STAG1: variants seen among roughly 807,000 people sequenced by gnomAD.
STAG1 encodes cohesin subunit SA-1.
In STAG1, 26 loss-of-function variants were observed where a neutral mutation model predicts 170.9. The observed-to-expected ratio is 0.15, with a 90% confidence interval of 0.11 to 0.21. The LOEUF (loss-of-function observed/expected upper bound fraction) is 0.21. Ranked by LOEUF, STAG1 falls within the 10% of genes least tolerant of loss-of-function variation. The probability of loss-of-function intolerance (pLI) is 1.00; values close to 1 mark genes in which losing one functional copy is unlikely to be tolerated. For synonymous variants in STAG1, 514 were observed against 497.7 expected, an observed-to-expected ratio of 1.03 and a Z score of -0.44; for missense variants, 964 against 1,509.5, an observed-to-expected ratio of 0.64 and a Z score of 5.99.
At chr3:136,566,115 T>C (rs1313182162) in intron 5 of STAG1, among the ~76,000 whole-genome samples, 1 of 152,204 alleles carries the variant, frequency 6.6e-6, no homozygotes, top group African/African-American at 2.4e-5. Flanking sequence ...TGGTAACTGC[T>C]ACAATGGATT....
chr3:136,650,559 A>AT (rs777992696), intron 1 of STAG1, among the ~76,000 whole-genome samples: 2 of 152,346 alleles, frequency 1.3e-5, no homozygotes, highest in East Asian at 3.9e-4. Flanking sequence ...CTATCTCTAC[A>AT]TATACACACC....
At chr3:136,629,262 C>T (rs141061347) in intron 2 of STAG1, among the ~76,000 whole-genome samples, 70 of 152,186 alleles carry the variant, frequency 4.6e-4, no homozygotes, top group African/African-American at 1.6e-3. Context: ...AAAAATAAGG[C>T]ACACAATGCA....
intron 4 of STAG1, among the ~76,000 whole-genome samples, chr3:136,574,004 G>A (rs1937360677): frequency 6.6e-6 from 1 of 150,440 alleles, no homozygotes. Context: ...AGCACTCTGG[G>A]AGCCGAGGCA....
At chr3:136,613,331 A>G (rs1052458771) in intron 3 of STAG1, among the ~76,000 whole-genome samples, 2 of 150,894 alleles carry the variant, frequency 1.3e-5, no homozygotes. Context: ...AAAAAAAAAA[A>G]AAAAGAAATC....
At chr3:136,377,297 G>C (rs1483305595) in intron 23 of STAG1, among the ~76,000 whole-genome samples, 1 of 136,860 alleles carries the variant, frequency 7.3e-6, no homozygotes, top group Non-Finnish European at 1.5e-5. Flanking sequence ...TGAGGCAGGA[G>C]AATGGCGTGA....
At chr3:136,715,545 G>A (rs563981516) in intron 1 of STAG1, among the ~76,000 whole-genome samples, 130 of 151,196 alleles carry the variant, frequency 8.6e-4, no homozygotes, top group African/African-American at 2.7e-3. Context: ...TCTTGAACCC[G>A]GGAGGCAGAG....
chr3:136,532,540 T>G (rs985304691), intron 6 of STAG1, among the ~76,000 whole-genome samples: 1 of 152,142 alleles, frequency 6.6e-6, no homozygotes, highest in African/African-American at 2.4e-5. Context: ...ATTACTGATT[T>G]AATCTCACTA....
intron 21 of STAG1, among the ~76,000 whole-genome samples, chr3:136,412,865 CT>C (rs35801167): frequency 1.4e-3 from 195 of 141,428 alleles, no homozygotes; most frequent in African/African-American, 1.9e-3. Flanking sequence ...ACAATTTTTT[CT>C]TTTTTTTTTT....
At chr3:136,350,639 A>T (rs1471525791) in intron 28 of STAG1, among the ~76,000 whole-genome samples, 1 of 152,190 alleles carries the variant, frequency 6.6e-6, no homozygotes, top group African/African-American at 2.4e-5. Context: ...GGTCCATGCC[A>T]TCCAAATTCT....
At chr3:136,407,851 A>G (rs2087525822) in intron 21 of STAG1, among the ~76,000 whole-genome samples, 2 of 150,694 alleles carry the variant, frequency 1.3e-5, no homozygotes, top group Admixed American at 6.7e-5. Flanking sequence ...AGCCGAGATC[A>G]CGCCACTGCA....
rs554588043 is a variant in STAG1, at chr3:136,580,679, G to A, written c.298-11818C>T. Among the ~76,000 whole-genome samples the A allele has an allele frequency of 4.0e-5, 6 of 150,338 alleles. No individual in the cohort carries two copies. The East Asian group carries it at 5.9e-4, about 15-fold the overall frequency. ...CTCCCGAGTAGCTGGGACTACAGGCGCCCGCCACCGCGCCCGGCTAATTTT... is the reference window on the plus strand; with the variant it reads ...CTCCCGAGTAGCTGGGACTACAGGCACCCGCCACCGCGCCCGGCTAATTTT... On this transcript the variant is annotated intron_variant, in intron 4 of 33. Coordinates refer to ENST00000383202, the MANE Select transcript of STAG1 (RefSeq NM_005862.3).
At position 136,728,517 on chromosome 3, in the gene STAG1, G is replaced by A. The variant is rs555887065; in HGVS notation, c.-84+23678C>T. ...GTGCCTCAGTTTTTTCATCTGTAAA[G>A]AGACTTAGCCCTACCCACCACATGG... On this transcript the variant is annotated intron_variant, in intron 1 of 33. Coordinates refer to ENST00000383202, the MANE Select transcript of STAG1 (RefSeq NM_005862.3). 7.0e-4 allele frequency among the ~76,000 whole-genome samples: 107 copies of A among 152,270 alleles called. No homozygotes were observed. The Middle Eastern group carries it at 0.017, about 24-fold the overall frequency.
Position 136,336,941 on chromosome 3 carries a change from A to G in STAG1, c.*1313T>C, listed in dbSNP as rs922810211. ...AATTGGTTTGGAAATTCTGAGGCTTACTTTAGAAATCAGAAAGGAAGAGAG... is the reference window on the plus strand; with the variant it reads ...AATTGGTTTGGAAATTCTGAGGCTTGCTTTAGAAATCAGAAAGGAAGAGAG... On this transcript the variant is annotated 3_prime_UTR_variant, in exon 34 of 34. Transcript: ENST00000383202. The G allele has an allele frequency of 1.8e-5, 2 of 109,770 alleles. No homozygotes were observed. Among genetic ancestry groups the G allele is most frequent in the Non-Finnish European group, 3.6e-5 (2 of 54,896 alleles). 6.8% of individuals were successfully genotyped at this position (109,770 alleles called of 1,614,324 possible). A position where few individuals can be genotyped will look rare whatever the true frequency, so the allele number is the denominator to read the frequency against.
intron 20 of STAG1, 106 bp from the exon 21 acceptor site, chr3:136,418,078 G>C: frequency 1.1e-6 from 1 of 877,866 alleles, no homozygotes; most frequent in Non-Finnish European, 1.8e-6. Context: ...TTTCGGCTGG[G>C]CACACTGGCT....
At chr3:136,635,985 C>A (rs113975418) in intron 1 of STAG1, among the ~76,000 whole-genome samples, 3 of 152,176 alleles carry the variant, frequency 2.0e-5, no homozygotes, top group African/African-American at 7.2e-5. Context: ...CCATGGCTCA[C>A]GCCTGTAATC....
At chr3:136,528,498 C>CT (rs916426524) in intron 6 of STAG1, among the ~76,000 whole-genome samples, 4 of 137,254 alleles carry the variant, frequency 2.9e-5, no homozygotes, top group East Asian at 2.0e-4. Context: ...CCCCGCACCC[C>CT]CCCCCCCAAA....
intron 4 of STAG1, among the ~76,000 whole-genome samples, chr3:136,581,774 A>T (rs1248152418): frequency 6.6e-6 from 1 of 152,168 alleles, no homozygotes; most frequent in Non-Finnish European, 1.5e-5. Context: ...GAAAAAATGG[A>T]ATTTTTTTAT....
chr3:136,434,122 A>T (rs1559799111), intron 15 of STAG1, among the ~76,000 whole-genome samples: 1 of 152,184 alleles, frequency 6.6e-6, no homozygotes, highest in African/African-American at 2.4e-5. Context: ...ATGGTCATTC[A>T]AATAATTTCC....
chr3:136,720,042 A>T (rs1933140553), intron 1 of STAG1, among the ~76,000 whole-genome samples: 1 of 151,968 alleles, frequency 6.6e-6, no homozygotes. Flanking sequence ...TGGGCATGGT[A>T]GTGCATACTT....
Sources: gnomAD v4.1 joint callset for allele counts (sites outside exome capture counted in the v4.1 genomes callset) on GRCh38, gnomAD v4.1.1 for gene constraint, MANE v1.5 for transcripts, NCBI Gene and HGNC (gene_info 2026-07-23, HGNC 2026-07-21) for gene names.